The following RPS6KA1 variants were observed in gnomAD, a reference collection of about 807,000 sequenced individuals.
RPS6KA1 encodes the protein ribosomal protein S6 kinase A1.
A neutral mutation model predicts 91.3 loss-of-function variants in RPS6KA1; 48 were observed. That is an observed-to-expected ratio of 0.53 (90% CI 0.42 to 0.67). The LOEUF (loss-of-function observed/expected upper bound fraction) is 0.67, where lower values mean the gene tolerates loss of function less well. RPS6KA1 is among the 30% of genes least tolerant of loss of function. RPS6KA1 has a pLI of 0.00. For missense variants in RPS6KA1, 719 were observed against 960.5 expected, an observed-to-expected ratio of 0.75 and a Z score of 3.32; for synonymous variants, 359 against 384.7, an observed-to-expected ratio of 0.93 and a Z score of 0.78.
rs1358494278 is a variant in RPS6KA1, at chr1:26,554,809, G to A, written c.756+71G>A. 1.3e-6 allele frequency: 2 copies of A among 1,522,506 alleles called. No homozygotes were observed. The highest frequency in any genetic ancestry group is 1.4e-5 in the African/African-American group (1 of 72,116). 94.3% of individuals were successfully genotyped at this position (1,522,506 alleles called of 1,614,324 possible). A position where few individuals can be genotyped will look rare whatever the true frequency, so the allele number is the denominator to read the frequency against. On this transcript the variant is annotated intron_variant, in intron 9 of 21. Coordinates refer to ENST00000374168, the MANE Select transcript of RPS6KA1 (RefSeq NM_002953.4). This position sits in a 1 kb window ranked among gnomAD's most constrained non-coding sequence, Gnocchi z 4.6. ...CTCAGTCTCCCTATCTGTACAGTGA[G>A]GGGGTTGATCATTTCTAGGGCTCTC...
chr1:26,541,507 A>G (rs2075947617), intron 2 of RPS6KA1, among the ~76,000 whole-genome samples: 1 of 151,956 alleles, frequency 6.6e-6, no homozygotes, highest in African/African-American at 2.4e-5. Flanking sequence ...GTGAGCTGAG[A>G]TCTCACCACT....
In RPS6KA1 at chr1:26,555,670, C is replaced by T. The variant is rs111389869; in HGVS notation, c.916+45C>T. ...GGGAGGGGATGTGGCGATGGGGAGC[C>T]GGGTACAGCTGCAGCCTAGGCCACA... On this transcript the variant is annotated intron_variant, in intron 11 of 21. Coordinates refer to ENST00000374168, the MANE Select transcript of RPS6KA1 (RefSeq NM_002953.4). The surrounding 1 kb of genome is among the most constrained non-coding windows in gnomAD (Gnocchi z 4.3). 33 of 1,533,524 alleles carry T rather than the reference C, an allele frequency of 2.2e-5. No homozygotes were observed. Among genetic ancestry groups the T allele is most frequent in the South Asian group, 7.1e-5 (6 of 84,386 alleles). The allele number at this position is 1,533,524 out of a possible 1,614,324, so 95.0% of individuals were successfully genotyped here. A position where few individuals can be genotyped will look rare whatever the true frequency, so the allele number is the denominator to read the frequency against.
intron 17 of RPS6KA1, among the ~76,000 whole-genome samples, chr1:26,562,924 C>A (rs1316389865): frequency 6.7e-6 from 1 of 148,222 alleles, no homozygotes; most frequent in African/African-American, 2.5e-5. Context: ...GCAACCTCTG[C>A]CTCCCGGGTT....
intron 21 of RPS6KA1, 62 bp downstream of exon 21, chr1:26,573,423 A>G: frequency 2.5e-6 from 4 of 1,596,692 alleles, no homozygotes; most frequent in Non-Finnish European, 3.4e-6. Flanking sequence ...ATGGTCAGGG[A>G]CTTGTGGAAG....
At chr1:26,543,126 T>C (rs768379017) in intron 2 of RPS6KA1, 131 of 1,534,630 alleles carry the variant, frequency 8.5e-5, no homozygotes, top group South Asian at 3.0e-4. Context: ...GTAGGAAGAG[T>C]AACGGGGCCC....
chr1:26,557,152 G>C (rs369868172), intron 13 of RPS6KA1, 52 bp downstream of exon 13: 2 of 1,434,078 alleles, frequency 1.4e-6, no homozygotes, highest in Middle Eastern at 1.8e-4. Flanking sequence ...GAGGGAAGCC[G>C]GGAGTCGGTG....
chr1:26,572,069 T>TA lies in RPS6KA1; in HGVS notation c.1830-106dup, dbSNP rs1185809536. On this transcript the variant is annotated intron_variant, in intron 19 of 21. Coordinates refer to ENST00000374168, the MANE Select transcript of RPS6KA1 (RefSeq NM_002953.4). ...GACATGCTCCTGCCTCCAGGAGCTC[T>TA]ACCTTGGGAGTACCCCATCTGAGGG... The TA allele has an allele frequency of 3.8e-6, 5 of 1,304,696 alleles. No individual in the cohort carries two copies. The African/African-American group carries it at 5.8e-5, about 15-fold the overall frequency. The allele number at this position is 1,304,696 out of a possible 1,614,324, so 80.8% of individuals were successfully genotyped here. A position where few individuals can be genotyped will look rare whatever the true frequency, so the allele number is the denominator to read the frequency against.
At position 26,554,710 on chromosome 1, in the gene RPS6KA1, C is replaced by T. The variant is rs775468162; in HGVS notation, c.728C>T (p.Ala243Val). The T allele has an allele frequency of 1.4e-5, 23 of 1,610,290 alleles. No homozygotes were observed. Among genetic ancestry groups the T allele is most frequent in the Admixed American group, 5.0e-5 (3 of 59,858 alleles). Residue 243 changes from alanine to valine, a missense_variant, in exon 9 of 22, where the codon GCG (alanine) becomes GTG (valine). Transcript: ENST00000374168. This position sits in a 1 kb window ranked among gnomAD's most constrained non-coding sequence, Gnocchi z 4.6. ...AACCGCCAGGGCCACTCCCATAGTG[C>T]GGACTGGTGGTCCTATGGGGTGTTG... ...VVNRQGHSHS[A>V]DWWSYGVLMF...
intron 20 of RPS6KA1, among the ~76,000 whole-genome samples, chr1:26,572,895 C>T (rs558421532): frequency 3.9e-5 from 6 of 152,310 alleles, no homozygotes; most frequent in African/African-American, 1.4e-4. Context: ...TTGCCCAGGG[C>T]ACTCATTTGA....
In RPS6KA1 at chr1:26,551,318, A is replaced by G. The variant is rs963115571; in HGVS notation, c.308-79A>G. ...TCAGGCCTGGAGGAACAAGTGGAAA[A>G]GAGATCCCTTAGCGGGGGCTTGGGA... On this transcript the variant is annotated intron_variant, in intron 4 of 21. Transcript: ENST00000374168. This position sits in a 1 kb window ranked among gnomAD's most constrained non-coding sequence, Gnocchi z 4.5. 3.1e-6 allele frequency: 4 copies of G among 1,274,758 alleles called. No homozygotes were observed. Among genetic ancestry groups the G allele is most frequent in the Non-Finnish European group, 4.6e-6 (4 of 878,006 alleles). 79.0% of individuals were successfully genotyped at this position (1,274,758 alleles called of 1,614,324 possible).
At chr1:26,549,788 G>A (rs1179463798) in intron 4 of RPS6KA1, among the ~76,000 whole-genome samples, 7 of 140,896 alleles carry the variant, frequency 5.0e-5, no homozygotes, top group African/African-American at 1.6e-4. Flanking sequence ...TGCAACCTCC[G>A]CTCCGCAGGT....
rs751391802 is a variant in RPS6KA1, at chr1:26,561,469, C to A, written c.1432-36C>A. 14 of 1,613,824 alleles carry A rather than the reference C, an allele frequency of 8.7e-6. No individual in the cohort carries two copies. In the African/African-American group the frequency reaches 1.6e-4, roughly 18 times the overall value. On this transcript the variant is annotated intron_variant, in intron 16 of 21. Coordinates refer to ENST00000374168, the MANE Select transcript of RPS6KA1 (RefSeq NM_002953.4). The surrounding 1 kb of genome is among the most constrained non-coding windows in gnomAD (Gnocchi z 5.7). ...CTGACCAGGGGGCTCAGGCCTGACA[C>A]TGGGGAGAAGAGCCTGATGGTGAGG...
chr1:26,560,960 C>T lies in RPS6KA1; in HGVS notation c.1342-85C>T, dbSNP rs1002303228. ...CTGCAGATGTATGAAAGGTGTGTGG[C>T]CGAGACCTCCTGGCCTGCTCCATGG... On this transcript the variant is annotated intron_variant, in intron 15 of 21. Coordinates refer to ENST00000374168, the MANE Select transcript of RPS6KA1 (RefSeq NM_002953.4). 52 of 1,598,656 alleles carry T rather than the reference C, an allele frequency of 3.3e-5. No homozygotes were observed. The South Asian group carries it at 4.2e-4, about 13-fold the overall frequency.
At chr1:26,566,576 T>C (rs396997) in intron 17 of RPS6KA1, among the ~76,000 whole-genome samples, 51,916 of 151,580 alleles carry the variant, frequency 0.34, 9,647 homozygotes, top group East Asian at 0.75. Context: ...CATGAACCAC[T>C]GTGCCCGGCT....
chr1:26,549,272 C>G (rs1420277048), intron 4 of RPS6KA1, among the ~76,000 whole-genome samples: 2 of 151,792 alleles, frequency 1.3e-5, no homozygotes, highest in Non-Finnish European at 2.9e-5. Context: ...TCCACCTCTC[C>G]TTTTAATAAA....
At chr1:26,573,814 T>TA (rs2076271552) in intron 21 of RPS6KA1, among the ~76,000 whole-genome samples, 1 of 151,982 alleles carries the variant, frequency 6.6e-6, no homozygotes, top group Non-Finnish European at 1.5e-5. Flanking sequence ...GGCAAGCGCC[T>TA]GTAATCCCAG....
chr1:26,547,897 C>T lies in RPS6KA1; in HGVS notation c.307+627C>T, dbSNP rs1036832987. ...TCTTTAAATAAGTCAAGGCCGGGCGCGGTGGCTCACACCTGTAATCCCAGC... is the reference window on the plus strand; with the variant it reads ...TCTTTAAATAAGTCAAGGCCGGGCGTGGTGGCTCACACCTGTAATCCCAGC... On this transcript the variant is annotated intron_variant, in intron 4 of 21. Transcript: ENST00000374168. This position sits in a 1 kb window ranked among gnomAD's most constrained non-coding sequence, Gnocchi z 4.1. 3.3e-5 allele frequency among the ~76,000 whole-genome samples: 5 copies of T among 152,106 alleles called. No homozygotes were observed. The highest frequency in any genetic ancestry group is 9.7e-5 in the African/African-American group (4 of 41,400).
chr1:26,563,497 G>A (rs1017105553), intron 17 of RPS6KA1, among the ~76,000 whole-genome samples: 3 of 152,190 alleles, frequency 2.0e-5, no homozygotes, highest in Admixed American at 1.3e-4. Context: ...AAAGTGCTGG[G>A]ATTACAGGCG....
At chr1:26,572,112 C>T in intron 19 of RPS6KA1, 64 bp from the exon 20 acceptor site, 1 of 1,440,776 alleles carries the variant, frequency 6.9e-7, no homozygotes, top group Non-Finnish European at 9.8e-7. Flanking sequence ...CAGTCTCCCA[C>T]CGCAGCCCCA....
Sources: gnomAD v4.1 joint callset for allele counts (sites outside exome capture counted in the v4.1 genomes callset) on GRCh38, gnomAD v4.1.1 for gene constraint, Gnocchi (gnomAD v3.1) non-coding constraint, MANE v1.5 for transcripts, NCBI Gene and HGNC (gene_info 2026-07-23, HGNC 2026-07-21) for gene names.